Variants in PTPRJ observed in about 807,000 individuals in gnomAD.
PTPRJ encodes receptor-type tyrosine-protein phosphatase eta.
A neutral mutation model predicts 141.3 loss-of-function variants in PTPRJ; 129 were observed. The ratio of observed to expected loss-of-function variants is 0.91; its 90% CI spans 0.79 to 1.06. The LOEUF (loss-of-function observed/expected upper bound fraction) is 1.06. Ranked by LOEUF, PTPRJ falls within the 50% of genes least tolerant of loss-of-function variation. The pLI, the probability that PTPRJ is intolerant of heterozygous loss-of-function variation, is 0.00. For synonymous variants in PTPRJ, 610 were observed against 640.5 expected, an observed-to-expected ratio of 0.95 and a Z score of 0.72; for missense variants, 1,601 against 1,679.7, an observed-to-expected ratio of 0.95 and a Z score of 0.82.
chr11:48,108,782 G>A (rs900130490), intron 1 of PTPRJ, among the ~76,000 whole-genome samples: 5 of 152,186 alleles, frequency 3.3e-5, no homozygotes, highest in South Asian at 2.1e-4. Flanking sequence ...GGCCTGAGGC[G>A]CGAAGGAGTT....
At chr11:48,095,557 T>C (rs1381295727) in intron 1 of PTPRJ, among the ~76,000 whole-genome samples, 1 of 151,512 alleles carries the variant, frequency 6.6e-6, no homozygotes, top group Non-Finnish European at 1.5e-5. Flanking sequence ...TATAGCCAGC[T>C]ATAATGTTTA....
At chr11:48,065,004 C>CTTTT (rs61139660) in intron 1 of PTPRJ, among the ~76,000 whole-genome samples, 4 of 117,208 alleles carry the variant, frequency 3.4e-5, no homozygotes, top group Non-Finnish European at 5.1e-5. Context: ...CCTCAACTAC[C>CTTTT]TTTTTTTTTT....
chr11:48,135,476 CTTTTTTT>C (rs34709299), intron 8 of PTPRJ, among the ~76,000 whole-genome samples: 5 of 58,220 alleles, frequency 8.6e-5, no homozygotes, highest in Non-Finnish European at 1.2e-4. Context: ...CGCGCCTGGC[CTTTTTTT>C]TTTTTTTTTT....
chr11:48,136,767 A>G (rs144476729), intron 9 of PTPRJ, among the ~76,000 whole-genome samples: 2,177 of 152,346 alleles, frequency 0.014, 34 homozygotes, highest in Middle Eastern at 0.071. Flanking sequence ...TTAAAAATAT[A>G]TTTGAAATAA....
chr11:48,060,488 C>T (rs757551441), intron 1 of PTPRJ, among the ~76,000 whole-genome samples: 19 of 151,912 alleles, frequency 1.3e-4, no homozygotes, highest in Non-Finnish European at 2.1e-4. Flanking sequence ...GTTCCAAAAA[C>T]AAGCATTTGC....
chr11:48,140,538 G>T (rs536999783), intron 11 of PTPRJ, among the ~76,000 whole-genome samples: 1 of 152,286 alleles, frequency 6.6e-6, no homozygotes, highest in African/African-American at 2.4e-5. Flanking sequence ...CAGCTACAGG[G>T]TATAGAGCTG....
chr11:48,121,526 T>C (rs1454210462), intron 4 of PTPRJ, among the ~76,000 whole-genome samples: 2 of 152,192 alleles, frequency 1.3e-5, no homozygotes, highest in East Asian at 3.8e-4. Flanking sequence ...ACACCTACCT[T>C]TCTGTTAAGA....
chr11:48,139,852 C>T (rs1480718928), intron 11 of PTPRJ, 76 bp downstream of exon 11: 9 of 1,422,496 alleles, frequency 6.3e-6, no homozygotes, highest in Non-Finnish European at 7.8e-6. Flanking sequence ...TGGGTCTGCA[C>T]GTGTGGACTA....
chr11:48,062,781 C>G (rs1565283933), intron 1 of PTPRJ, among the ~76,000 whole-genome samples: 2 of 152,172 alleles, frequency 1.3e-5, no homozygotes, highest in South Asian at 4.1e-4. Flanking sequence ...CCCTCCCTGC[C>G]AACTTTTCCA....
At chr11:48,123,527 G>A (rs926657534) in intron 4 of PTPRJ, 86 bp from the exon 5 acceptor site, 12 of 1,403,836 alleles carry the variant, frequency 8.5e-6, no homozygotes, top group South Asian at 1.4e-5. Context: ...TTTAAAACCC[G>A]CTCCCAGCAC....
At chr11:47,986,702 G>A (rs1286219778) in intron 1 of PTPRJ, among the ~76,000 whole-genome samples, 2 of 152,136 alleles carry the variant, frequency 1.3e-5, no homozygotes, top group Non-Finnish European at 2.9e-5. Flanking sequence ...TTTTAGTTGA[G>A]ACGGGGTTTC....
chr11:48,140,634 G>A (rs996684963), intron 11 of PTPRJ, among the ~76,000 whole-genome samples: 4 of 152,192 alleles, frequency 2.6e-5, no homozygotes, highest in Admixed American at 1.3e-4. Flanking sequence ...GCATACTTGC[G>A]AGGTTGCTGA....
At chr11:48,080,752 C>A (rs1855535492) in intron 1 of PTPRJ, among the ~76,000 whole-genome samples, 1 of 152,306 alleles carries the variant, frequency 6.6e-6, no homozygotes, top group East Asian at 1.9e-4. Flanking sequence ...GCCCCTGACA[C>A]CCCGGCAGGA....
At chr11:47,988,970 G>A (rs572376793) in intron 1 of PTPRJ, among the ~76,000 whole-genome samples, 3 of 125,672 alleles carry the variant, frequency 2.4e-5, no homozygotes, top group East Asian at 5.5e-4. Context: ...TGCAAGCTCC[G>A]CCTCCCAGGT....
chr11:48,028,809 C>G (rs1334455428), intron 1 of PTPRJ, among the ~76,000 whole-genome samples: 1 of 152,030 alleles, frequency 6.6e-6, no homozygotes. Flanking sequence ...AACAAACAAA[C>G]AAAAAACCTT....
chr11:48,029,971 C>T (rs185973314), intron 1 of PTPRJ, among the ~76,000 whole-genome samples: 101 of 152,258 alleles, frequency 6.6e-4, no homozygotes, highest in African/African-American at 2.0e-3. Flanking sequence ...TGAGTGCCTC[C>T]GGTAAGACAG....
intron 1 of PTPRJ, among the ~76,000 whole-genome samples, chr11:48,056,784 C>A (rs1854762668): frequency 6.6e-6 from 1 of 152,152 alleles, no homozygotes; most frequent in African/African-American, 2.4e-5. Flanking sequence ...GAAACCCCGT[C>A]TCTACTAAAA....
At chr11:48,055,197 A>AAAAT (rs60419761) in intron 1 of PTPRJ, among the ~76,000 whole-genome samples, 11,609 of 151,922 alleles carry the variant, frequency 0.076, 700 homozygotes, top group African/African-American at 0.17. Flanking sequence ...AAATAAAAAA[A>AAAAT]AAATAAATAA....
chr11:48,143,199 T>G (rs979794210), intron 12 of PTPRJ, 149 bp downstream of exon 12: 1 of 1,114,362 alleles, frequency 9.0e-7, no homozygotes, highest in Non-Finnish European at 1.2e-6. Context: ...AGAAGGAGGG[T>G]GAGGTATTTG....
Sources: gnomAD v4.1 joint callset for allele counts (sites outside exome capture counted in the v4.1 genomes callset) on GRCh38, gnomAD v4.1.1 for gene constraint, MANE v1.5 for transcripts, NCBI Gene and HGNC (gene_info 2026-07-23, HGNC 2026-07-21) for gene names.